TANC2: variants seen among roughly 807,000 people sequenced by gnomAD.
TANC2 encodes tetratricopeptide repeat, ankyrin repeat and coiled-coil containing 2.
In TANC2, 26 loss-of-function variants were observed where a neutral mutation model predicts 210.5. The ratio of observed to expected loss-of-function variants is 0.12; its 90% CI spans 0.09 to 0.17. The LOEUF (loss-of-function observed/expected upper bound fraction) is 0.17, where lower values mean the gene tolerates loss of function less well. Ranked by LOEUF, TANC2 falls within the 10% of genes least tolerant of loss-of-function variation. The probability of loss-of-function intolerance (pLI) is 1.00; values close to 1 mark genes in which losing one functional copy is unlikely to be tolerated. For missense variants in TANC2, 2,129 were observed against 2,608.9 expected (o/e 0.82, Z 4.01); for synonymous variants, 931 against 967.1 (o/e 0.96, Z 0.69).
At chr17:63,331,342 A>G (rs984680489) in intron 11 of TANC2, among the ~76,000 whole-genome samples, 1 of 152,246 alleles carries the variant, frequency 6.6e-6, no homozygotes, top group African/African-American at 2.4e-5. Context: ...GTGGCTTACT[A>G]GTATAAACAG....
intron 2 of TANC2, among the ~76,000 whole-genome samples, chr17:63,070,902 G>C (rs974883967): frequency 2.0e-5 from 3 of 151,996 alleles, no homozygotes; most frequent in Non-Finnish European, 4.4e-5. Context: ...AGCAGGTCAG[G>C]GTTCTTAGTT....
intron 1 of TANC2, among the ~76,000 whole-genome samples, chr17:62,988,197 A>G (rs2032670011): frequency 6.6e-6 from 1 of 151,902 alleles, no homozygotes; most frequent in African/African-American, 2.4e-5. Flanking sequence ...GTGCAATCTC[A>G]GCTCACTGCA....
rs886842410 is a variant in TANC2, at chr17:63,374,957, G to A, written c.2583-4761G>A. On this transcript the variant is annotated intron_variant, in intron 14 of 27. Transcript: ENST00000689528. ...GTGACTTTTCAGGAGAGAAAATATA[G>A]GAGAGGGGGGAAATAGCTACTACGT... 2.0e-5 allele frequency among the ~76,000 whole-genome samples: 3 copies of A among 152,088 alleles called. No homozygotes were observed. In the East Asian group the frequency reaches 5.8e-4, roughly 29 times the overall value.
chr17:63,367,807 A>G (rs2047153444), intron 14 of TANC2, among the ~76,000 whole-genome samples: 1 of 152,212 alleles, frequency 6.6e-6, no homozygotes, highest in Non-Finnish European at 1.5e-5. Context: ...AGAGAGGATG[A>G]TAGGAGGTGT....
chr17:63,257,909 T>C (rs995960129), intron 8 of TANC2, among the ~76,000 whole-genome samples: 1 of 152,228 alleles, frequency 6.6e-6, no homozygotes, highest in Admixed American at 6.5e-5. Flanking sequence ...AGTTTATAAA[T>C]CACAATTACA....
intron 11 of TANC2, among the ~76,000 whole-genome samples, chr17:63,319,707 T>A (rs1350005538): frequency 6.6e-6 from 1 of 152,224 alleles, no homozygotes; most frequent in African/African-American, 2.4e-5. Context: ...TTTTAAATTT[T>A]CATTCCTAGC....
chr17:63,200,979 T>C (rs369591125), intron 7 of TANC2, 22 bp downstream of exon 7: 110 of 1,576,678 alleles, frequency 7.0e-5, no homozygotes, highest in Non-Finnish European at 9.2e-5. Flanking sequence ...TTTATATTGA[T>C]AATTTTGTGT....
intron 8 of TANC2, among the ~76,000 whole-genome samples, chr17:63,249,032 TAA>T (rs1015729908): frequency 2.6e-5 from 4 of 152,150 alleles, no homozygotes; most frequent in African/African-American, 9.7e-5. Flanking sequence ...TTTAAAAACA[TAA>T]AGACTCCAAC....
intron 4 of TANC2, among the ~76,000 whole-genome samples, chr17:63,129,290 C>A (rs1176281274): frequency 1.3e-5 from 2 of 152,106 alleles, no homozygotes; most frequent in African/African-American, 4.8e-5. Flanking sequence ...AGGCACCATG[C>A]CCAGCAGTAC....
At chr17:63,184,663 T>G (rs1286232882) in intron 5 of TANC2, among the ~76,000 whole-genome samples, 4 of 151,630 alleles carry the variant, frequency 2.6e-5, no homozygotes, top group Non-Finnish European at 5.9e-5. Context: ...TTCTTTTTTT[T>G]TTTTTTTGGA....
intron 2 of TANC2, among the ~76,000 whole-genome samples, chr17:63,055,979 AAAAAAAAAAAAATATATATATATATAT>A (rs1215852095): frequency 4.7e-5 from 2 of 42,132 alleles, no homozygotes; most frequent in Middle Eastern, 0.011. Flanking sequence ...AAAAAAAAAA[AAAAAAAAAAAAATATATATATATATAT>A]ATATATATAT....
chr17:63,376,855 T>C (rs553800937), intron 14 of TANC2, among the ~76,000 whole-genome samples: 5 of 151,206 alleles, frequency 3.3e-5, no homozygotes, highest in East Asian at 1.9e-4. Flanking sequence ...TCTCACTCTG[T>C]TGCCCAGGCT....
intron 5 of TANC2, among the ~76,000 whole-genome samples, chr17:63,170,434 TAAAA>T (rs761783557): frequency 1.5e-5 from 2 of 133,190 alleles, no homozygotes; most frequent in Admixed American, 1.5e-4. Context: ...AGATTCCATT[TAAAA>T]AAAAAAAAAA....
intron 17 of TANC2, 112 bp downstream of exon 17, chr17:63,389,656 T>G (rs141550622): frequency 9.5e-7 from 1 of 1,054,344 alleles, no homozygotes; most frequent in Non-Finnish European, 1.4e-6. Context: ...TATCAAACCA[T>G]GATGGAGAGG....
At chr17:63,377,820 G>T (rs549377336) in intron 14 of TANC2, among the ~76,000 whole-genome samples, 11 of 152,152 alleles carry the variant, frequency 7.2e-5, no homozygotes, top group African/African-American at 2.4e-4. Flanking sequence ...AAGAGATTTC[G>T]TTGACTCACA....
chr17:63,196,571 A>C (rs1182621176), intron 6 of TANC2, among the ~76,000 whole-genome samples: 1 of 152,212 alleles, frequency 6.6e-6, no homozygotes, highest in Non-Finnish European at 1.5e-5. Flanking sequence ...TACATTACTG[A>C]ATAACATAAT....
At chr17:63,110,934 C>T (rs1190503192) in intron 4 of TANC2, among the ~76,000 whole-genome samples, 2 of 152,156 alleles carry the variant, frequency 1.3e-5, no homozygotes, top group East Asian at 1.9e-4. Context: ...TGACCTTGGC[C>T]GTGTCACTTG....
At chr17:63,118,707 T>C (rs1361963374) in intron 4 of TANC2, among the ~76,000 whole-genome samples, 1 of 151,944 alleles carries the variant, frequency 6.6e-6, no homozygotes, top group Non-Finnish European at 1.5e-5. Context: ...CCTCCCAGGC[T>C]CAAGCCATCC....
intron 3 of TANC2, among the ~76,000 whole-genome samples, chr17:63,095,277 T>C (rs1394570001): frequency 6.6e-6 from 1 of 152,050 alleles, no homozygotes; most frequent in Non-Finnish European, 1.5e-5. Context: ...CTGGGCTCAA[T>C]TGATCCTCCT....
Sources: allele counts gnomAD v4.1 joint callset (sites outside exome capture counted in the v4.1 genomes callset), GRCh38; gene constraint gnomAD v4.1.1; transcripts MANE v1.5; gene names NCBI Gene and HGNC (gene_info 2026-07-23, HGNC 2026-07-21).